ANKRD35: variants seen among roughly 807,000 people sequenced by gnomAD.
ANKRD35 encodes ankyrin repeat domain-containing protein 35.
Under a neutral mutation model 109.9 loss-of-function variants are expected in ANKRD35, and 102 were observed. That is an observed-to-expected ratio of 0.93 (90% CI 0.79 to 1.09). ANKRD35 has a LOEUF of 1.09. Ranked by LOEUF, ANKRD35 falls within the 50% of genes least tolerant of loss-of-function variation. The pLI is 0.00. For synonymous variants in ANKRD35, 515 were observed against 512.4 expected (o/e 1.01, Z -0.07); for missense variants, 1,240 against 1,230.1 (o/e 1.01, Z -0.12).
chr1:145,883,533 G>T (rs72701877), intron 1 of ANKRD35, among the ~76,000 whole-genome samples: 1 of 152,268 alleles, frequency 6.6e-6, no homozygotes, highest in Non-Finnish European at 1.5e-5. Flanking sequence ...TTTGTGTGTG[G>T]ATTTTCCTAT....
At chr1:145,870,159 C>T (rs1441879683) in intron 10 of ANKRD35, among the ~76,000 whole-genome samples, 1 of 148,536 alleles carries the variant, frequency 6.7e-6, no homozygotes, top group Non-Finnish European at 1.5e-5. Context: ...GGCGCGATCT[C>T]AGCTCACTGC....
At chr1:145,884,899 G>A (rs1654422758) in intron 1 of ANKRD35, among the ~76,000 whole-genome samples, 1 of 152,172 alleles carries the variant, frequency 6.6e-6, no homozygotes, top group African/African-American at 2.4e-5. Flanking sequence ...GACTCTGCAG[G>A]CAACTCACCC....
intron 10 of ANKRD35, among the ~76,000 whole-genome samples, chr1:145,869,620 A>G (rs968806191): frequency 2.0e-5 from 3 of 152,130 alleles, no homozygotes; most frequent in South Asian, 4.2e-4. Flanking sequence ...GGCACATGCC[A>G]CCATACTCAG....
Position 145,879,341 on chromosome 1 carries a change from G to T in ANKRD35, c.87C>A (p.His29Gln), listed in dbSNP as rs1559177117. The T allele has an allele frequency of 6.2e-7, 1 of 1,607,072 alleles. No individual in the cohort carries two copies. ...CAGCCACGCGTCCCACATCCCCCCT[G>T]TGCACTGCCTCCAGCAGCTTCTGAT... ...RHDQKLLEAVHRGDVGRVAAL... is the reference protein window; with the variant it reads ...RHDQKLLEAVQRGDVGRVAAL... The change falls in exon 2 of 14, where the codon CAC becomes CAA. Residue 29 changes from histidine to glutamine, a missense_variant. Coordinates refer to ENST00000355594, the MANE Select transcript of ANKRD35 (RefSeq NM_144698.5).
At chr1:145,867,939 C>G (rs782424994) in intron 12 of ANKRD35, 52 bp downstream of exon 12, 1 of 1,564,414 alleles carries the variant, frequency 6.4e-7, no homozygotes, top group Non-Finnish European at 8.8e-7. Context: ...AAATGCAATA[C>G]CCTATACTCA....
In ANKRD35 at chr1:145,879,246, G is replaced by T; in HGVS notation, c.170+12C>A. ...CCACATGTAAGGGGCAGGGGCAGGAGGACTGACTTACGGGGACTGGCCATT... is the reference window on the plus strand; with the variant it reads ...CCACATGTAAGGGGCAGGGGCAGGATGACTGACTTACGGGGACTGGCCATT... On this transcript the variant is annotated intron_variant, in intron 2 of 13. Transcript: ENST00000355594. The T allele has an allele frequency of 1.3e-6, 2 of 1,591,196 alleles. No homozygotes were observed. The highest frequency in any genetic ancestry group is 1.7e-6 in the Non-Finnish European group (2 of 1,168,522).
At position 145,879,245 on chromosome 1, in the gene ANKRD35, AGGACTGACTTACGG is replaced by A. The variant is rs782664639; in HGVS notation, c.169_170+12del. The stretch of plus-strand genomic sequence containing the variant: ...GCCACATGTAAGGGGCAGGGGCAGG[AGGACTGACTTACGG>A]GGACTGGCCATTCGAGTCAAGCTTG... On this transcript the variant is annotated splice_donor_variant and splice_donor_5th_base_variant and coding_sequence_variant and intron_variant, in exon 2 of 14. Coordinates refer to ENST00000355594, the MANE Select transcript of ANKRD35 (RefSeq NM_144698.5). LOFTEE classifies it high-confidence loss of function. 1.8e-5 allele frequency: 29 copies of A among 1,588,994 alleles called. No individual in the cohort carries two copies. In the South Asian group the frequency reaches 3.3e-4, roughly 18 times the overall value.
rs781890273 is a variant in ANKRD35, at chr1:145,872,266, G to T, written c.2503C>A (p.His835Asn). 6.2e-7 allele frequency: 1 copy of T among 1,611,918 alleles called. No homozygotes were observed. The highest frequency in any genetic ancestry group is 1.1e-5 in the South Asian group (1 of 90,806). ...ACCAGCGAACCCCGAGTTTTCTCGT[G>T]TTGCCGTAGGCTGGCTGCCTCCCGG... ...RAREAASLRQHEKTRGSLVAQ... is the reference protein window; with the variant it reads ...RAREAASLRQNEKTRGSLVAQ... Residue 835 changes from histidine (H) to asparagine (N), a missense_variant, in exon 10 of 14, where the codon CAC (histidine) becomes AAC (asparagine). By Grantham distance (68) the His-to-Asn change is moderately conservative. Transcript: ENST00000355594.
chr1:145,878,131 T>C lies in ANKRD35; in HGVS notation c.260-99A>G, dbSNP rs1378039782. The stretch of plus-strand genomic sequence containing the variant: ...AGAGACGCACAGATAATCAGGAGAT[T>C]AGGGAGAGAAGCTTTCAGCCACACG... On this transcript the variant is annotated intron_variant, in intron 3 of 13. Transcript: ENST00000355594. 4.2e-6 allele frequency: 5 copies of C among 1,203,472 alleles called. No homozygotes were observed. In the South Asian group the frequency reaches 4.9e-5, roughly 12 times the overall value. 74.5% of individuals were successfully genotyped at this position (1,203,472 alleles called of 1,614,324 possible).
At position 145,872,033 on chromosome 1, in the gene ANKRD35, C is replaced by G. The variant is rs782758927; in HGVS notation, c.2736G>C (p.Leu912=). Reference sequence around the variant, plus strand: ...CAATGAGATGCTCCATCTTCTCTTTCAGCAGCTCTGCCGTTTTCTCAAACT... The same window carrying G: ...CAATGAGATGCTCCATCTTCTCTTTGAGCAGCTCTGCCGTTTTCTCAAACT... ...SEQFEKTAEL[L]KEKMEHLIGA... Residue 912 remains leucine (L), a synonymous_variant, in exon 10 of 14, where the codon CTG becomes CTC. Transcript: ENST00000355594. The G allele has an allele frequency of 2.5e-6, 4 of 1,613,526 alleles. No homozygotes were observed. Among genetic ancestry groups the G allele is most frequent in the South Asian group, 2.2e-5 (2 of 91,080 alleles).
At chr1:145,878,695 G>A (rs1654179551) in intron 2 of ANKRD35, among the ~76,000 whole-genome samples, 1 of 152,198 alleles carries the variant, frequency 6.6e-6, no homozygotes, top group South Asian at 2.1e-4. Context: ...AGAGCTACAG[G>A]TCTCAAGGAA....
intron 1 of ANKRD35, among the ~76,000 whole-genome samples, chr1:145,881,241 C>T (rs1354416203): frequency 1.3e-5 from 2 of 152,126 alleles, no homozygotes; most frequent in Non-Finnish European, 2.9e-5. Flanking sequence ...GCTGAGATTG[C>T]ACCATTGCAC....
intron 12 of ANKRD35, among the ~76,000 whole-genome samples, 182 bp downstream of exon 12, chr1:145,867,809 C>T (rs1653662796): frequency 6.6e-6 from 1 of 152,166 alleles, no homozygotes; most frequent in African/African-American, 2.4e-5. Context: ...ACCTCTCCTT[C>T]TCACATTCAT....
At position 145,871,961 on chromosome 1, in the gene ANKRD35, AG is replaced by A; in HGVS notation, c.2787+20del. On this transcript the variant is annotated intron_variant, in intron 10 of 13. Transcript: ENST00000355594. ...ACAGAAACTTTCCCCAGTGCTCCCC[AG>A]GGCTACCTCAGCTGCTCACCTTGGC... 1 of 1,606,392 alleles carries A rather than the reference AG, an allele frequency of 6.2e-7. No homozygotes were observed.
At chr1:145,884,222 C>T (rs1004220015) in intron 1 of ANKRD35, among the ~76,000 whole-genome samples, 2 of 152,202 alleles carry the variant, frequency 1.3e-5, no homozygotes, top group Non-Finnish European at 2.9e-5. Flanking sequence ...TCTAAAAAGT[C>T]ATTATGAGTT....
chr1:145,876,938 A>G (rs1387639269), intron 4 of ANKRD35, 65 bp from the exon 5 acceptor site: 2 of 1,530,208 alleles, frequency 1.3e-6, no homozygotes, highest in Non-Finnish European at 1.8e-6. Flanking sequence ...CCATACCCCC[A>G]TTGGGTCACC....
intron 8 of ANKRD35, 117 bp from the exon 9 acceptor site, chr1:145,874,309 T>C: frequency 1.8e-6 from 2 of 1,124,014 alleles, no homozygotes; most frequent in East Asian, 2.4e-5. Flanking sequence ...TCAATCTCAC[T>C]GCACATCTTC....
chr1:145,867,499 T>C, intron 12 of ANKRD35, 107 bp from the exon 13 acceptor site: 1 of 859,506 alleles, frequency 1.2e-6, no homozygotes, highest in Non-Finnish European at 1.9e-6. Flanking sequence ...ATTTACTATA[T>C]ACCTTCACTT....
rs782371535 is a variant in ANKRD35, at chr1:145,873,229, A to T, written c.1540T>A (p.Ser514Thr). Residue 514 changes from serine to threonine, a missense_variant, in exon 10 of 14, where the codon TCA becomes ACA. Physicochemically the swap from Ser to Thr is moderately conservative, Grantham distance 58 (BLOSUM62 1). Coordinates refer to ENST00000355594, the MANE Select transcript of ANKRD35 (RefSeq NM_144698.5). ...REKDAARGAL[S>T]RPVMEGALGT... ...AGGGCTCCCTCCATGACCGGTCTTG[A>T]CAAAGCCCCCCGGGCAGCATCCTTT... 2 of 1,614,066 alleles carry T rather than the reference A, an allele frequency of 1.2e-6. No homozygotes were observed. Among genetic ancestry groups the T allele is most frequent in the South Asian group, 2.2e-5 (2 of 91,080 alleles).
Sources: gnomAD v4.1 joint callset for allele counts (sites outside exome capture counted in the v4.1 genomes callset) on GRCh38, gnomAD v4.1.1 for gene constraint, MANE v1.5 for transcripts, NCBI Gene and HGNC (gene_info 2026-07-23, HGNC 2026-07-21) for gene names.